NYAP2: variants seen among roughly 807,000 people sequenced by gnomAD.
NYAP2 encodes neuronal tyrosine-phosphorylated phosphoinositide-3-kinase adaptor 2, also known as neuronal tyrosine-phosphorylated phosphoinositide-3-kinase adapter 2.
In NYAP2, 23 loss-of-function variants were observed where a neutral mutation model predicts 50.4. The ratio of observed to expected loss-of-function variants is 0.46; its 90% CI spans 0.33 to 0.65. The LOEUF is 0.65. Ranked by LOEUF, NYAP2 falls within the 30% of genes least tolerant of loss-of-function variation. The pLI, the probability that NYAP2 is intolerant of heterozygous loss-of-function variation, is 0.02. For synonymous variants in NYAP2, 394 were observed against 365.2 expected, an observed-to-expected ratio of 1.08 and a Z score of -0.90; for missense variants, 885 against 861.0, an observed-to-expected ratio of 1.03 and a Z score of -0.35.
At chr2:225,459,821 C>T (rs919526334) in intron 3 of NYAP2, among the ~76,000 whole-genome samples, 11 of 151,948 alleles carry the variant, frequency 7.2e-5, no homozygotes, top group South Asian at 2.1e-4. Flanking sequence ...TACAGGCACC[C>T]GCCACCACGC....
intron 4 of NYAP2, among the ~76,000 whole-genome samples, chr2:225,562,555 A>C (rs1691893920): frequency 6.6e-6 from 1 of 152,128 alleles, no homozygotes; most frequent in African/African-American, 2.4e-5. Context: ...CAAAATTCCT[A>C]TTGGCTGAGA....
chr2:225,582,540 C>A lies in NYAP2; in HGVS notation c.1123C>A (p.Pro375Thr). 2 of 1,573,192 alleles carry A rather than the reference C, an allele frequency of 1.3e-6. No homozygotes were observed. The highest frequency in any genetic ancestry group is 1.2e-5 in the South Asian group (1 of 84,838). Reference sequence around the variant, plus strand: ...GGAAAACGTGTCTTACATGAAACAGCCAGCCGGGGCGTCGCCCTCCACGCT... The same window carrying A: ...GGAAAACGTGTCTTACATGAAACAGACAGCCGGGGCGTCGCCCTCCACGCT... The change falls in exon 5 of 7, where the codon CCA becomes ACA. Residue 375 changes from proline to threonine, a missense_variant. By Grantham distance (38) the Pro-to-Thr change is conservative. Transcript: ENST00000636099. This position sits in a 1 kb window ranked among gnomAD's most constrained non-coding sequence, Gnocchi z 7.0.
chr2:225,656,331 T>C (rs956475677), downstream of NYAP2, among the ~76,000 whole-genome samples: 2 of 152,210 alleles, frequency 1.3e-5, no homozygotes, highest in Admixed American at 6.5e-5. Flanking sequence ...CAGTCCCTTC[T>C]GTATACTTAA....
chr2:225,502,319 A>G lies in NYAP2; in HGVS notation c.222-11052A>G, dbSNP rs75359050. Reference sequence around the variant, plus strand: ...CTGGTTCCAACAGGGACAAAAATTAATAGTGTATGAGTAGTCACAGACTTT... The same window carrying G: ...CTGGTTCCAACAGGGACAAAAATTAGTAGTGTATGAGTAGTCACAGACTTT... On this transcript the variant is annotated intron_variant, in intron 3 of 6. Coordinates refer to ENST00000636099, the Ensembl canonical transcript of NYAP2. Among the ~76,000 whole-genome samples, 942 of 152,326 alleles carry G rather than the reference A, an allele frequency of 6.2e-3. 12 individuals carry two copies. Among genetic ancestry groups the G allele is most frequent in the African/African-American group, 0.022 (898 of 41,560 alleles).
chr2:225,696,879 A>C, the NYAP2 span, among the ~76,000 whole-genome samples: 3 of 152,000 alleles, frequency 2.0e-5, no homozygotes, highest in Non-Finnish European at 4.4e-5. Flanking sequence ...TGGGTTAATA[A>C]ATAGTACAAC....
chr2:225,694,104 C>A, the NYAP2 span, among the ~76,000 whole-genome samples: 1 of 151,994 alleles, frequency 6.6e-6, no homozygotes, highest in Non-Finnish European at 1.5e-5. Context: ...TACCTACTTA[C>A]GTATACATTT....
At chr2:225,512,974 A>G (rs1450492558) in intron 3 of NYAP2, among the ~76,000 whole-genome samples, 1 of 150,918 alleles carries the variant, frequency 6.6e-6, no homozygotes, top group Non-Finnish European at 1.5e-5. Context: ...TTTCTCCAAT[A>G]TATTAAGCAG....
At chr2:225,448,101 G>T (rs979489254) in intron 3 of NYAP2, among the ~76,000 whole-genome samples, 7 of 152,148 alleles carry the variant, frequency 4.6e-5, no homozygotes, top group Admixed American at 6.5e-5. Context: ...CAAGTGTGAC[G>T]CTATGGCTGG....
rs1328588549 is a variant in NYAP2, at chr2:225,582,201, G to C, written c.784G>C (p.Asp262His). ...CAGAGACTTCAGGAAGGAGGACGAT[G>C]ACCAGAGCGAGGCCGTCTACGAGGA... is the stretch of plus-strand genomic sequence containing the variant. The change falls in exon 5 of 7, where the codon GAC (aspartate) becomes CAC (histidine). Residue 262 changes from aspartate (D) to histidine (H), a missense_variant. Physicochemically the swap from Asp to His is moderately conservative, Grantham distance 81. Transcript: ENST00000636099. The surrounding 1 kb of genome is among the most constrained non-coding windows in gnomAD (Gnocchi z 7.0). 1 of 1,614,050 alleles carries C rather than the reference G, an allele frequency of 6.2e-7. No individual in the cohort carries two copies. The highest frequency in any genetic ancestry group is 8.5e-7 in the Non-Finnish European group (1 of 1,179,902).
intron 5 of NYAP2, among the ~76,000 whole-genome samples, chr2:225,622,558 TTTTTC>T (rs1478689456): frequency 9.4e-5 from 2 of 21,176 alleles, no homozygotes; most frequent in Non-Finnish European, 1.7e-4. Context: ...TCTTTCTTTC[TTTTTC>T]TTTCTTTCTT....
chr2:225,664,016 TC>T, the NYAP2 span, among the ~76,000 whole-genome samples: 1 of 152,064 alleles, frequency 6.6e-6, no homozygotes, highest in Admixed American at 6.6e-5. Context: ...TTTTTATCTT[TC>T]CCAAGCAGCT....
At chr2:225,680,498 C>A in the NYAP2 span, among the ~76,000 whole-genome samples, 1 of 151,956 alleles carries the variant, frequency 6.6e-6, no homozygotes, top group Admixed American at 6.6e-5. Context: ...TCAAGAAATT[C>A]TTTTTTAAAA....
At chr2:225,512,893 CTTCCT>C (rs1293067691) in intron 3 of NYAP2, among the ~76,000 whole-genome samples, 1 of 114,884 alleles carries the variant, frequency 8.7e-6, no homozygotes, top group Admixed American at 1.0e-4. Flanking sequence ...TCCTTCCTTC[CTTCCT>C]TTCCTTTCCT....
chr2:225,651,326 G>T, intron 6 of NYAP2, 106 bp from the exon 7 acceptor site: 1 of 1,436,192 alleles, frequency 7.0e-7, no homozygotes, highest in Non-Finnish European at 9.8e-7. Context: ...GGAGCATTTT[G>T]TATATTCCAA....
At chr2:225,581,811 A>G (rs1046000797) in intron 4 of NYAP2, 130 bp from the exon 5 acceptor site, 16 of 861,306 alleles carry the variant, frequency 1.9e-5, no homozygotes, top group Middle Eastern at 2.3e-4. Context: ...TTTTACTCTG[A>G]AACTCAAACT....
At chr2:225,681,857 A>C in the NYAP2 span, among the ~76,000 whole-genome samples, 6 of 152,128 alleles carry the variant, frequency 3.9e-5, no homozygotes, top group Admixed American at 3.9e-4. Flanking sequence ...TTCATCTATA[A>C]AGTGAGCATC....
intron 3 of NYAP2, among the ~76,000 whole-genome samples, chr2:225,457,253 TTTA>T (rs1689754116): frequency 6.6e-6 from 1 of 152,176 alleles, no homozygotes; most frequent in South Asian, 2.1e-4. Context: ...AGAATAGAAT[TTTA>T]TTACATAGAT....
At chr2:225,686,168 A>AAAT in the NYAP2 span, among the ~76,000 whole-genome samples, 1 of 152,168 alleles carries the variant, frequency 6.6e-6, no homozygotes, top group Non-Finnish European at 1.5e-5. Flanking sequence ...AACATGTGCT[A>AAAT]AATCATATAC....
chr2:225,551,780 T>G (rs1363675696), intron 4 of NYAP2, among the ~76,000 whole-genome samples: 6 of 152,202 alleles, frequency 3.9e-5, no homozygotes, highest in Non-Finnish European at 8.8e-5. Flanking sequence ...TACACAGTAG[T>G]TGCAACATCT....
Sources: gnomAD v4.1 joint callset for allele counts (sites outside exome capture counted in the v4.1 genomes callset) on GRCh38, gnomAD v4.1.1 for gene constraint, Gnocchi (gnomAD v3.1) non-coding constraint, MANE v1.5 for transcripts, NCBI Gene and HGNC (gene_info 2026-07-23, HGNC 2026-07-21) for gene names.